CFAP44: variants seen among roughly 807,000 people sequenced by gnomAD.
CFAP44 encodes cilia and flagella associated protein 44.
In CFAP44, 134 loss-of-function variants were observed where a neutral mutation model predicts 216.2. The observed-to-expected ratio is 0.62, with a 90% CI of 0.54 to 0.72. The LOEUF (loss-of-function observed/expected upper bound fraction) is 0.72, where lower values mean the gene tolerates loss of function less well. CFAP44 is among the 30% of genes least tolerant of loss of function. The pLI is 0.00. For synonymous variants in CFAP44, 700 were observed against 727.6 expected (o/e 0.96, Z 0.61); for missense variants, 2,035 against 2,182.1 (o/e 0.93, Z 1.34).
At chr3:113,425,567 G>A (rs1206446439) in intron 4 of CFAP44, among the ~76,000 whole-genome samples, 7 of 152,288 alleles carry the variant, frequency 4.6e-5, no homozygotes, top group African/African-American at 1.7e-4. Context: ...TAATGTGAAA[G>A]TACTAATGCC....
At chr3:113,311,431 G>C (rs1275527857) in intron 28 of CFAP44, among the ~76,000 whole-genome samples, 2 of 152,246 alleles carry the variant, frequency 1.3e-5, no homozygotes, top group East Asian at 3.9e-4. Context: ...GAGCTCTAAT[G>C]GTTTTATCAG....
intron 22 of CFAP44, among the ~76,000 whole-genome samples, chr3:113,349,523 G>T (rs931147960): frequency 6.6e-6 from 1 of 152,202 alleles, no homozygotes; most frequent in Non-Finnish European, 1.5e-5. Flanking sequence ...ACCTGGTAGG[G>T]CTTGTTATCT....
intron 22 of CFAP44, among the ~76,000 whole-genome samples, chr3:113,356,509 G>GAGATAGA (rs1396667436): frequency 6.6e-6 from 1 of 152,162 alleles, no homozygotes; most frequent in Non-Finnish European, 1.5e-5. Context: ...ATAGGCCAAT[G>GAGATAGA]AGATAGAATA....
rs546502868 is a variant in CFAP44, at chr3:113,323,022, A to C, written c.4516+3423T>G. On this transcript the variant is annotated intron_variant, in intron 28 of 34. Coordinates refer to ENST00000393845, the MANE Select transcript of CFAP44 (RefSeq NM_001164496.2). ...GGGAAGCCCCTTATAAAGCCATCAG[A>C]TCTCATGAGAACTCACTCATCATGA... Among the ~76,000 whole-genome samples the C allele has an allele frequency of 4.1e-4, 63 of 152,308 alleles. 1 individual carries two copies. Among genetic ancestry groups the C allele is most frequent in the African/African-American group, 1.3e-3 (54 of 41,564 alleles).
chr3:113,425,714 T>C (rs943778604), intron 4 of CFAP44, among the ~76,000 whole-genome samples: 1 of 152,250 alleles, frequency 6.6e-6, no homozygotes, highest in African/African-American at 2.4e-5. Flanking sequence ...GCCTTTCCAC[T>C]TGTGCAAAGG....
intron 3 of CFAP44, 62 bp downstream of exon 3, chr3:113,427,125 A>G (rs1039443338): frequency 6.5e-7 from 1 of 1,534,886 alleles, no homozygotes; most frequent in Non-Finnish European, 8.9e-7. Context: ...TAACTCTTCC[A>G]TTTGTCTGGG....
intron 22 of CFAP44, among the ~76,000 whole-genome samples, chr3:113,347,849 G>A (rs564309204): frequency 9.9e-5 from 15 of 152,174 alleles, no homozygotes; most frequent in African/African-American, 2.6e-4. Context: ...GTAAAGTCCC[G>A]ATACTAACAG....
chr3:113,370,876 G>T (rs894291103), intron 18 of CFAP44, among the ~76,000 whole-genome samples: 5 of 152,000 alleles, frequency 3.3e-5, no homozygotes, highest in African/African-American at 1.2e-4. Context: ...AACAACTTCG[G>T]CAAAGTCTCA....
intron 24 of CFAP44, among the ~76,000 whole-genome samples, chr3:113,341,281 C>G (rs1319000413): frequency 6.6e-6 from 1 of 152,172 alleles, no homozygotes; most frequent in Non-Finnish European, 1.5e-5. Flanking sequence ...CACTTCCCTT[C>G]CTCCCTTCCA....
intron 19 of CFAP44, among the ~76,000 whole-genome samples, chr3:113,363,869 C>T (rs1486905669): frequency 1.3e-5 from 2 of 152,198 alleles, no homozygotes; most frequent in Non-Finnish European, 2.9e-5. Context: ...AAGTCTAGAT[C>T]ATTTATTTCA....
At chr3:113,428,386 G>C (rs1365652761) in intron 2 of CFAP44, among the ~76,000 whole-genome samples, 2 of 152,214 alleles carry the variant, frequency 1.3e-5, no homozygotes, top group Non-Finnish European at 2.9e-5. Context: ...TCTGAGCCTG[G>C]AGAAGGGTTG....
chr3:113,362,864 T>C, intron 21 of CFAP44: 1 of 1,163,166 alleles, frequency 8.6e-7, no homozygotes, highest in South Asian at 3.6e-5. Context: ...TTAAAAGAAC[T>C]CTTGGGTTCT....
rs142421848 is a variant in CFAP44 at position 113,426,992 on chromosome 3, T to C, written c.253+195A>G. The C allele has an allele frequency of 3.8e-3, 2,222 of 578,778 alleles. 4 individuals carry two copies. Among genetic ancestry groups the C allele is most frequent in the Non-Finnish European group, 5.4e-3 (1,829 of 340,212 alleles). 35.9% of individuals were successfully genotyped at this position (578,778 alleles called of 1,614,324 possible). A position where few individuals can be genotyped will look rare whatever the true frequency, so the allele number is the denominator to read the frequency against. On this transcript the variant is annotated intron_variant, in intron 3 of 34. Coordinates refer to ENST00000393845, the MANE Select transcript of CFAP44 (RefSeq NM_001164496.2). ...AGAATGAGTATCAGAGTACTCTATG[T>C]GATCCTCAGAAATAAAAACCACAAG...
intron 15 of CFAP44, among the ~76,000 whole-genome samples, chr3:113,394,464 CCTCA>C (rs1381653437): frequency 6.6e-6 from 1 of 152,178 alleles, no homozygotes; most frequent in Non-Finnish European, 1.5e-5. Flanking sequence ...CTATCACTCC[CCTCA>C]CCTGAACCAT....
At chr3:113,348,354 A>C (rs1950409424) in intron 22 of CFAP44, among the ~76,000 whole-genome samples, 1 of 152,122 alleles carries the variant, frequency 6.6e-6, no homozygotes, top group African/African-American at 2.4e-5. Flanking sequence ...TTTTTTCTGC[A>C]CTACAGCCTG....
intron 34 of CFAP44, chr3:113,294,271 A>T: frequency 3.7e-6 from 1 of 266,974 alleles, no homozygotes; most frequent in East Asian, 1.0e-4. Context: ...ACCCACACAA[A>T]GTGACAAGCA....
At chr3:113,428,306 G>A (rs1935016106) in intron 2 of CFAP44, among the ~76,000 whole-genome samples, 1 of 152,210 alleles carries the variant, frequency 6.6e-6, no homozygotes, top group African/African-American at 2.4e-5. Context: ...GGTAGATAAG[G>A]TGATCACAGA....
chr3:113,334,173 A>G (rs1468464391), intron 24 of CFAP44, among the ~76,000 whole-genome samples: 3 of 152,174 alleles, frequency 2.0e-5, no homozygotes, highest in Non-Finnish European at 4.4e-5. Context: ...GATGGTCTCC[A>G]TCTCCTGACT....
chr3:113,323,687 T>C (rs1398197256), intron 28 of CFAP44, among the ~76,000 whole-genome samples: 1 of 152,178 alleles, frequency 6.6e-6, no homozygotes, highest in Non-Finnish European at 1.5e-5. Flanking sequence ...TAATTTGGCA[T>C]CTTAGATGAA....
Sources: allele counts gnomAD v4.1 joint callset (sites outside exome capture counted in the v4.1 genomes callset), GRCh38; gene constraint gnomAD v4.1.1; transcripts MANE v1.5; gene names NCBI Gene and HGNC (gene_info 2026-07-23, HGNC 2026-07-21).